CIT: variants seen among roughly 807,000 people sequenced by gnomAD.
CIT encodes citron rho-interacting serine/threonine kinase, also known as citron Rho-interacting kinase.
CIT carries 79 observed loss-of-function variants against 272.7 expected under a neutral mutation model. That is an observed-to-expected ratio of 0.29 (90% confidence interval 0.24 to 0.35). The LOEUF (loss-of-function observed/expected upper bound fraction) is 0.35, where lower values mean the gene tolerates loss of function less well. CIT is among the 10% of genes least tolerant of loss of function. The pLI is 1.00. For synonymous variants in CIT, 948 were observed against 995.6 expected, an observed-to-expected ratio of 0.95 and a Z score of 0.90; for missense variants, 1,909 against 2,618.3, an observed-to-expected ratio of 0.73 and a Z score of 5.91.
At chr12:119,806,137 C>CAAAAAAAA (rs3858711) in intron 9 of CIT, among the ~76,000 whole-genome samples, 14 of 62,664 alleles carry the variant, frequency 2.2e-4, no homozygotes, top group African/African-American at 2.9e-4. Context: ...AACACCATCT[C>CAAAAAAAA]AAAAAAAAAA....
chr12:119,716,058 T>C (rs1957450045), intron 32 of CIT, among the ~76,000 whole-genome samples: 1 of 152,132 alleles, frequency 6.6e-6, no homozygotes, highest in Non-Finnish European at 1.5e-5. Context: ...CTCTATCTTG[T>C]CATCACCATT....
chr12:119,716,288 G>A (rs1474817177), intron 32 of CIT, among the ~76,000 whole-genome samples: 1 of 143,018 alleles, frequency 7.0e-6, no homozygotes, highest in Non-Finnish European at 1.5e-5. Flanking sequence ...TGAGGCATGA[G>A]AATCGCTTGA....
chr12:119,809,921 C>T (rs1966799625), intron 9 of CIT, among the ~76,000 whole-genome samples: 1 of 152,246 alleles, frequency 6.6e-6, no homozygotes, highest in African/African-American at 2.4e-5. Flanking sequence ...GATAGCTGAA[C>T]ACGTGGAGGT....
chr12:119,875,889 GAGGCA>G (rs1242964772), intron 2 of CIT, among the ~76,000 whole-genome samples, 179 bp downstream of exon 2: 3 of 152,196 alleles, frequency 2.0e-5, no homozygotes, highest in African/African-American at 7.2e-5. Flanking sequence ...TCTGGAGGCT[GAGGCA>G]GGAGAATCGC....
intron 24 of CIT, among the ~76,000 whole-genome samples, chr12:119,736,253 A>T (rs1034692128): frequency 1.3e-5 from 2 of 152,228 alleles, no homozygotes; most frequent in Non-Finnish European, 2.9e-5. Context: ...AAAGAAGGAA[A>T]TTAAAAGGAA....
chr12:119,731,475 CAAA>C (rs34429031), intron 26 of CIT, among the ~76,000 whole-genome samples: 3 of 108,018 alleles, frequency 2.8e-5, no homozygotes, highest in Non-Finnish European at 1.9e-5. Flanking sequence ...ACTCCATTCT[CAAA>C]AAAAAAAAAA....
chr12:119,797,399 T>C (rs1965819659), intron 10 of CIT, among the ~76,000 whole-genome samples: 1 of 152,168 alleles, frequency 6.6e-6, no homozygotes, highest in African/African-American at 2.4e-5. Context: ...CAAGCTGTGC[T>C]TGGCTAAGAG....
At chr12:119,742,802 C>A in intron 23 of CIT, 1 of 195,190 alleles carries the variant, frequency 5.1e-6, no homozygotes, top group Non-Finnish European at 1.0e-5. Flanking sequence ...TGTCCTATTC[C>A]CATTCTGAAA....
intron 5 of CIT, among the ~76,000 whole-genome samples, chr12:119,839,509 A>AAGCAGAGTGGCCTCTG (rs1438124634): frequency 1.3e-5 from 2 of 152,152 alleles, no homozygotes; most frequent in African/African-American, 4.8e-5. Flanking sequence ...GGGGTCCTCA[A>AAGCAGAGTGGCCTCTG]AGCAGAGTGG....
At chr12:119,807,554 C>A (rs1966682282) in intron 9 of CIT, among the ~76,000 whole-genome samples, 1 of 151,934 alleles carries the variant, frequency 6.6e-6, no homozygotes, top group African/African-American at 2.4e-5. Context: ...CACATGGCAC[C>A]TCAGTACACA....
intron 10 of CIT, among the ~76,000 whole-genome samples, chr12:119,786,749 G>A (rs1475069918): frequency 6.6e-6 from 1 of 152,202 alleles, no homozygotes; most frequent in Non-Finnish European, 1.5e-5. Flanking sequence ...TGGCTTGATA[G>A]TGCTGACTTG....
chr12:119,798,068 C>A (rs139771212), intron 10 of CIT, among the ~76,000 whole-genome samples: 2 of 152,080 alleles, frequency 1.3e-5, no homozygotes, highest in African/African-American at 4.8e-5. Context: ...AGAGTATATA[C>A]GCGTGGGTTT....
chr12:119,690,538 T>C lies in CIT; in HGVS notation c.5883-84A>G, dbSNP rs1955884481. On this transcript the variant is annotated intron_variant, in intron 46 of 47. Coordinates refer to ENST00000392521, the MANE Select transcript of CIT (RefSeq NM_001206999.2). The surrounding 1 kb of genome is among the most constrained non-coding windows in gnomAD (Gnocchi z 6.0). Reference sequence around the variant, plus strand: ...CCTTCTTACCTGAGCAACCCCCTCCTTGACCCAGCCTCACCACTGATTATC... The same window carrying C: ...CCTTCTTACCTGAGCAACCCCCTCCCTGACCCAGCCTCACCACTGATTATC... The C allele has an allele frequency of 7.7e-7, 1 of 1,304,082 alleles. No homozygotes were observed. The highest frequency in any genetic ancestry group is 2.8e-5 in the East Asian group (1 of 36,208). The allele number at this position is 1,304,082 out of a possible 1,614,324, so 80.8% of individuals were successfully genotyped here. A position where few individuals can be genotyped will look rare whatever the true frequency, so the allele number is the denominator to read the frequency against.
rs1176827347 is a variant in CIT, at chr12:119,858,770, C to G, written c.239-1072G>C. On this transcript the variant is annotated intron_variant, in intron 3 of 47. Coordinates refer to ENST00000392521, the MANE Select transcript of CIT (RefSeq NM_001206999.2). ...CTGGGAGACAGAGCTTGCAGTGAGC[C>G]GAGATCACACCACTGCACTCCAGCC... Among the ~76,000 whole-genome samples the G allele has an allele frequency of 2.7e-5, 4 of 150,656 alleles. No individual in the cohort carries two copies. The East Asian group carries it at 7.8e-4, about 29-fold the overall frequency.
chr12:119,778,671 T>A (rs186363678), intron 13 of CIT, among the ~76,000 whole-genome samples: 197 of 152,204 alleles, frequency 1.3e-3, no homozygotes, highest in African/African-American at 4.2e-3. Flanking sequence ...TTAAAGGGGA[T>A]GTGCTGCTCT....
intron 8 of CIT, among the ~76,000 whole-genome samples, chr12:119,823,537 G>A (rs905701862): frequency 2.0e-5 from 3 of 152,130 alleles, no homozygotes; most frequent in African/African-American, 4.8e-5. Context: ...TGAGCTAAAG[G>A]GAAGGAAATA....
At chr12:119,758,136 T>G (rs1364062715) in intron 21 of CIT, among the ~76,000 whole-genome samples, 1 of 152,152 alleles carries the variant, frequency 6.6e-6, no homozygotes, top group Non-Finnish European at 1.5e-5. Context: ...TCCTGGAGAT[T>G]CTAATTCTCT....
At position 119,784,428 on chromosome 12, in the gene CIT, G is replaced by C. The variant is rs1315725730; in HGVS notation, c.1402-377C>G. ...CCCCCCATCTCCTTGCAAAGATCTA[G>C]AGGACAAATCCAGGACAGGGCAAGG... is the stretch of plus-strand genomic sequence containing the variant. On this transcript the variant is annotated intron_variant, in intron 11 of 47. Coordinates refer to ENST00000392521, the MANE Select transcript of CIT (RefSeq NM_001206999.2). The surrounding 1 kb of genome is among the most constrained non-coding windows in gnomAD (Gnocchi z 4.7). 1 of 1,214,740 alleles carries C rather than the reference G, an allele frequency of 8.2e-7. No individual in the cohort carries two copies. Among genetic ancestry groups the C allele is most frequent in the Non-Finnish European group, 1.0e-6 (1 of 958,930 alleles). The allele number at this position is 1,214,740 out of a possible 1,614,324, so 75.2% of individuals were successfully genotyped here. A position where few individuals can be genotyped will look rare whatever the true frequency, so the allele number is the denominator to read the frequency against.
In CIT at chr12:119,713,576, G is replaced by C. The variant is rs746958132; in HGVS notation, c.4379C>G (p.Ala1460Gly). ...PATCGLPAEY[A>G]THFTEAFCRD... is the part of the protein sequence containing the mutation. ...GCAGAAGGCCTCGGTGAAGTGTGTG[G>C]CATATTCAGCAGGCAAGCCGCAGGT... Residue 1460 changes from alanine (A) to glycine (G), a missense_variant, in exon 34 of 48, where the codon GCC becomes GGC. Transcript: ENST00000392521. The surrounding 1 kb of genome is among the most constrained non-coding windows in gnomAD (Gnocchi z 5.2). 1 of 1,614,220 alleles carries C rather than the reference G, an allele frequency of 6.2e-7. No homozygotes were observed. The highest frequency in any genetic ancestry group is 1.1e-5 in the South Asian group (1 of 91,086).
Sources: allele counts gnomAD v4.1 joint callset (sites outside exome capture counted in the v4.1 genomes callset), GRCh38; gene constraint gnomAD v4.1.1; non-coding constraint Gnocchi (gnomAD v3.1); transcripts MANE v1.5; gene names NCBI Gene and HGNC (gene_info 2026-07-23, HGNC 2026-07-21).